The following STYXL2 variants were observed in gnomAD, a reference collection of about 807,000 sequenced individuals.
The protein encoded by STYXL2 is serine/threonine/tyrosine interacting like 2, also known as serine/threonine/tyrosine-interacting-like protein 2.
STYXL2 carries 44 observed loss-of-function variants against 52.4 expected under a neutral mutation model. The ratio of observed to expected loss-of-function variants is 0.84; its 90% CI spans 0.66 to 1.08. The LOEUF is 1.08. Ranked by LOEUF, STYXL2 falls within the 50% of genes least tolerant of loss-of-function variation. STYXL2 has a pLI of 0.00. For synonymous variants in STYXL2, 604 were observed against 586.9 expected (o/e 1.03, Z -0.42); for missense variants, 1,604 against 1,471.7 (o/e 1.09, Z -1.47).
rs1558026995 is a variant in STYXL2, at chr1:167,126,101, CTGAG to C, written c.973_976del (p.Ser325AlafsTer17). 6.6e-7 allele frequency: 1 copy of C among 1,520,342 alleles called. No individual in the cohort carries two copies. The highest frequency in any genetic ancestry group is 1.4e-5 in the African/African-American group (1 of 72,048). 94.2% of individuals were successfully genotyped at this position (1,520,342 alleles called of 1,614,324 possible). Reference sequence around the variant, plus strand: ...AGAGGAGGACGACAGCGCCAGCCACCTGAGTGGCTCCTCCCTGGGGAAGGCCACC... The same window carrying C: ...AGAGGAGGACGACAGCGCCAGCCACCTGGCTCCTCCCTGGGGAAGGCCACC... On this transcript the variant is annotated frameshift_variant, in exon 6 of 6. Transcript: ENST00000361200. LOFTEE classifies it low-confidence loss of function (END_TRUNC).
chr1:167,118,585 C>A (rs1431191156), intron 4 of STYXL2, among the ~76,000 whole-genome samples: 1 of 152,210 alleles, frequency 6.6e-6, no homozygotes, highest in Non-Finnish European at 1.5e-5. Flanking sequence ...CAGGTATCCT[C>A]AGCTAAAAGC....
chr1:167,114,668 A>T (rs1453117725), intron 3 of STYXL2, among the ~76,000 whole-genome samples: 1 of 152,206 alleles, frequency 6.6e-6, no homozygotes, highest in Non-Finnish European at 1.5e-5. Context: ...TGCACACTTC[A>T]CATAGAACCA....
intron 2 of STYXL2, among the ~76,000 whole-genome samples, chr1:167,109,192 G>A (rs1667566202): frequency 6.6e-6 from 1 of 152,222 alleles, no homozygotes; most frequent in African/African-American, 2.4e-5. Context: ...ATGGCAAACA[G>A]GAAGTGCAAA....
Position 167,113,766 on chromosome 1 carries a change from T to C in STYXL2, c.167T>C (p.Leu56Pro), listed in dbSNP as rs200972075. 6 of 1,614,030 alleles carry C rather than the reference T, an allele frequency of 3.7e-6. No individual in the cohort carries two copies. Among genetic ancestry groups the C allele is most frequent in the Middle Eastern group, 1.6e-4 (1 of 6,062 alleles). The change falls in exon 3 of 6, where the codon CTC becomes CCC. Residue 56 changes from leucine to proline, a missense_variant. By Grantham distance (98) the Leu-to-Pro change is moderately conservative (BLOSUM62 -3). Coordinates refer to ENST00000361200, the MANE Select transcript of STYXL2 (RefSeq NM_001080426.3). ...TESIFMEPIH[L>P]SSAIAAKQII... ...AGCATTTTCATGGAACCCATTCACCTCTCCTCAGCCATTGCAGCCAAACAG... is the reference window on the plus strand; with the variant it reads ...AGCATTTTCATGGAACCCATTCACCCCTCCTCAGCCATTGCAGCCAAACAG...
chr1:167,117,281 C>T, intron 3 of STYXL2, 47 bp from the exon 4 acceptor site: 1 of 1,491,512 alleles, frequency 6.7e-7, no homozygotes, highest in South Asian at 1.2e-5. Flanking sequence ...CAAGGAAGGC[C>T]ATGATGTTCC....
chr1:167,125,929 C>T lies in STYXL2; in HGVS notation c.798C>T (p.Gly266=). Residue 266 remains glycine (G), a synonymous_variant, in exon 6 of 6, where the codon GGC becomes GGT. Transcript: ENST00000361200. ...AGCGGGCCATCTACCCCAATGAGGGCTTCCTGAAGCAGCTGCGGGAGCTCA... is the reference window on the plus strand; with the variant it reads ...AGCGGGCCATCTACCCCAATGAGGGTTTCCTGAAGCAGCTGCGGGAGCTCA... ...RKKRAIYPNE[G]FLKQLRELNE... is the part of the protein sequence containing the mutation. 6.2e-7 allele frequency: 1 copy of T among 1,614,052 alleles called. No individual in the cohort carries two copies.
At chr1:167,112,245 G>GAGGTTGCC (rs552724603) in intron 2 of STYXL2, among the ~76,000 whole-genome samples, 2 of 152,200 alleles carry the variant, frequency 1.3e-5, no homozygotes, top group Non-Finnish European at 2.9e-5. Context: ...TGCTGTCCCT[G>GAGGTTGCC]AGGTTGCCTA....
At chr1:167,117,269 A>C (rs1017336574) in intron 3 of STYXL2, 59 bp from the exon 4 acceptor site, 4 of 1,448,546 alleles carry the variant, frequency 2.8e-6, no homozygotes, top group Non-Finnish European at 3.8e-6. Flanking sequence ...TCTCCCCAGG[A>C]ACAAGGAAGG....
intron 3 of STYXL2, among the ~76,000 whole-genome samples, chr1:167,114,654 C>T (rs1667688303): frequency 6.6e-6 from 1 of 152,234 alleles, no homozygotes; most frequent in African/African-American, 2.4e-5. Context: ...ACATTTGGAC[C>T]TCTTGCACAC....
chr1:167,105,658 G>T (rs140390696), intron 2 of STYXL2, among the ~76,000 whole-genome samples: 1 of 152,196 alleles, frequency 6.6e-6, no homozygotes, highest in African/African-American at 2.4e-5. Flanking sequence ...GAAAACAAGC[G>T]TCCGTTTTAG....
At chr1:167,122,937 A>G (rs1390349604) in intron 5 of STYXL2, among the ~76,000 whole-genome samples, 2 of 152,208 alleles carry the variant, frequency 1.3e-5, no homozygotes, top group Non-Finnish European at 2.9e-5. Flanking sequence ...GGGTACTGAG[A>G]TTACAGGTGT....
rs2102253491 is a variant in STYXL2, at chr1:167,128,603, G to A, written c.3472G>A (p.Asp1158Asn). ...TRTKLQKRRE[D>N] ...GACCAAGCTGCAGAAAAGGAGGGAG[G>A]ACTGAGCTGGGGAAAATCTGAGAAC... Residue 1158 changes from aspartate to asparagine, a missense_variant, in exon 6 of 6, where the codon GAC becomes AAC. Coordinates refer to ENST00000361200, the MANE Select transcript of STYXL2 (RefSeq NM_001080426.3). 1 of 1,608,714 alleles carries A rather than the reference G, an allele frequency of 6.2e-7. No homozygotes were observed. The highest frequency in any genetic ancestry group is 2.2e-5 in the East Asian group (1 of 44,800).
In STYXL2 at chr1:167,126,185, G is replaced by C. The variant is rs757644272; in HGVS notation, c.1054G>C (p.Glu352Gln). ...CGAGGAGGAGGAGGAGAAACTGTACGAGCAGTGGAAGAAGGGGCAGGGCCT... is the reference window on the plus strand; with the variant it reads ...CGAGGAGGAGGAGGAGAAACTGTACCAGCAGTGGAAGAAGGGGCAGGGCCT... ...IDEEEEEKLYEQWKKGQGLLS... is the reference protein window; with the variant it reads ...IDEEEEEKLYQQWKKGQGLLS... The change falls in exon 6 of 6, where the codon GAG (glutamate) becomes CAG (glutamine). Residue 352 changes from glutamate (E) to glutamine (Q), a missense_variant. Glu to Gln is a conservative substitution (Grantham distance 29, BLOSUM62 2). Coordinates refer to ENST00000361200, the MANE Select transcript of STYXL2 (RefSeq NM_001080426.3). The C allele has an allele frequency of 1.3e-6, 2 of 1,522,990 alleles. No individual in the cohort carries two copies. The highest frequency in any genetic ancestry group is 1.8e-4 in the Middle Eastern group (1 of 5,660). 94.3% of individuals were successfully genotyped at this position (1,522,990 alleles called of 1,614,324 possible).
At chr1:167,111,734 G>T (rs1255843656) in intron 2 of STYXL2, among the ~76,000 whole-genome samples, 1 of 151,680 alleles carries the variant, frequency 6.6e-6, no homozygotes, top group Non-Finnish European at 1.5e-5. Flanking sequence ...ATGGACTTTG[G>T]GGACTTGAGG....
rs899963046 is a variant in STYXL2 at position 167,128,854 on chromosome 1, C to T, written c.*246C>T. ...CCAACTGATACCATTTTCTGTTGCT[C>T]AGCGCCCTCTAAGCTTTGGTGTTTC... On this transcript the variant is annotated 3_prime_UTR_variant, in exon 6 of 6. Coordinates refer to ENST00000361200, the MANE Select transcript of STYXL2 (RefSeq NM_001080426.3). The T allele has an allele frequency of 3.7e-6, 2 of 542,974 alleles. No homozygotes were observed. Among genetic ancestry groups the T allele is most frequent in the Non-Finnish European group, 6.3e-6 (2 of 316,098 alleles). 33.6% of individuals were successfully genotyped at this position (542,974 alleles called of 1,614,324 possible). A position where few individuals can be genotyped will look rare whatever the true frequency, so the allele number is the denominator to read the frequency against.
chr1:167,120,707 C>T (rs1667833908), intron 5 of STYXL2, among the ~76,000 whole-genome samples: 1 of 151,756 alleles, frequency 6.6e-6, no homozygotes, highest in African/African-American at 2.4e-5. Context: ...GCCTTGACCT[C>T]CTGGGCTCAA....
At chr1:167,108,797 A>C (rs1667558478) in intron 2 of STYXL2, among the ~76,000 whole-genome samples, 1 of 152,214 alleles carries the variant, frequency 6.6e-6, no homozygotes, top group African/African-American at 2.4e-5. Context: ...CCTTTCAAAG[A>C]AGCAGCTTGC....
Position 167,119,440 on chromosome 1 carries a change from T to C in STYXL2, c.629T>C (p.Leu210Pro), listed in dbSNP as rs747799312. Residue 210 changes from leucine (L) to proline (P), a missense_variant, in exon 5 of 6, where the codon CTG (leucine) becomes CCG (proline). Transcript: ENST00000361200. ...CATTTCCGGAAGGCGTCTGAGTTCC[T>C]GGATGAGGCGCTGCTGACTTACAGA... ...SQHFRKASEF[L>P]DEALLTYRGK... The C allele has an allele frequency of 6.2e-7, 1 of 1,614,182 alleles. No homozygotes were observed. Among genetic ancestry groups the C allele is most frequent in the Non-Finnish European group, 8.5e-7 (1 of 1,180,026 alleles).
intron 3 of STYXL2, among the ~76,000 whole-genome samples, chr1:167,115,398 A>ATT: frequency 6.6e-6 from 1 of 152,356 alleles, no homozygotes; most frequent in Non-Finnish European, 1.5e-5. Context: ...GTCAGGTAAT[A>ATT]GAAAGAAATT....
Sources: allele counts gnomAD v4.1 joint callset (sites outside exome capture counted in the v4.1 genomes callset), GRCh38; gene constraint gnomAD v4.1.1; transcripts MANE v1.5; gene names NCBI Gene and HGNC (gene_info 2026-07-23, HGNC 2026-07-21).